PRKAR1B: variants seen among roughly 807,000 people sequenced by gnomAD.
PRKAR1B encodes the protein protein kinase cAMP-dependent type I regulatory subunit beta, also known as cAMP-dependent protein kinase type I-beta regulatory subunit.
A neutral mutation model predicts 46.5 loss-of-function variants in PRKAR1B; 22 were observed. The observed-to-expected ratio is 0.47, with a 90% CI of 0.34 to 0.68. The LOEUF is 0.68. PRKAR1B is among the 30% of genes least tolerant of loss of function. The pLI, the probability that PRKAR1B is intolerant of heterozygous loss-of-function variation, is 0.01. For synonymous variants in PRKAR1B, 259 were observed against 217.7 expected, an observed-to-expected ratio of 1.19 and a Z score of -1.67; for missense variants, 445 against 535.6, an observed-to-expected ratio of 0.83 and a Z score of 1.67.
intron 6 of PRKAR1B, among the ~76,000 whole-genome samples, chr7:599,302 CTTT>C (rs766317605): frequency 1.4e-5 from 2 of 138,790 alleles, no homozygotes; most frequent in Admixed American, 7.2e-5. Context: ...TGTTTTCTCT[CTTT>C]TTTTTTTTTG....
chr7:626,970 G>GT (rs969964842), intron 4 of PRKAR1B, among the ~76,000 whole-genome samples: 1 of 152,122 alleles, frequency 6.6e-6, no homozygotes, highest in Non-Finnish European at 1.5e-5. Context: ...CGCCTCCCGG[G>GT]TTCAAGCGAT....
intron 1 of PRKAR1B, among the ~76,000 whole-genome samples, chr7:716,287 G>T (rs1780882599): frequency 6.7e-6 from 1 of 148,944 alleles, no homozygotes; most frequent in African/African-American, 2.5e-5. Context: ...CGAATTCCTG[G>T]CCTCCAACAA....
chr7:707,491 GC>G (rs1214969735), intron 2 of PRKAR1B, among the ~76,000 whole-genome samples: 8 of 152,102 alleles, frequency 5.3e-5, no homozygotes, highest in African/African-American at 1.7e-4. Context: ...CCCTGCCCAC[GC>G]CCAAGAAGGC....
At chr7:628,300 G>A (rs546959485) in intron 4 of PRKAR1B, among the ~76,000 whole-genome samples, 2 of 152,376 alleles carry the variant, frequency 1.3e-5, no homozygotes, top group South Asian at 4.1e-4. Context: ...TCTGTGCCGA[G>A]CAAGTCAAAA....
At chr7:669,712 C>T (rs113465915) in intron 4 of PRKAR1B, among the ~76,000 whole-genome samples, 1,720 of 150,908 alleles carry the variant, frequency 0.011, 35 homozygotes, top group African/African-American at 0.039. Flanking sequence ...TGCAGTGAGC[C>T]GAGATAGCGC....
intron 4 of PRKAR1B, among the ~76,000 whole-genome samples, chr7:651,477 A>G (rs1784899098): frequency 6.6e-6 from 1 of 152,228 alleles, no homozygotes; most frequent in South Asian, 2.1e-4. Flanking sequence ...CGTGTCAACA[A>G]AACACTCCCA....
chr7:668,303 G>T (rs117376957), intron 4 of PRKAR1B, among the ~76,000 whole-genome samples: 2 of 152,340 alleles, frequency 1.3e-5, no homozygotes, highest in East Asian at 3.9e-4. Flanking sequence ...ATGAAGCTCA[G>T]CTTCTAGTAA....
At chr7:610,059 T>C (rs544934103) in intron 4 of PRKAR1B, among the ~76,000 whole-genome samples, 2 of 152,302 alleles carry the variant, frequency 1.3e-5, no homozygotes, top group South Asian at 4.1e-4. Flanking sequence ...GCATTCTCTA[T>C]ATGAAAACCC....
intron 4 of PRKAR1B, among the ~76,000 whole-genome samples, chr7:672,157 G>GT (rs796922729): frequency 0.023 from 3,416 of 146,128 alleles, 120 homozygotes; most frequent in African/African-American, 0.078. Flanking sequence ...AACCGAATTT[G>GT]TTTTTTTTTT....
At position 554,232 on chromosome 7, in the gene PRKAR1B, G is replaced by A. The variant is rs185187763; in HGVS notation, c.892-2762C>T. Among the ~76,000 whole-genome samples, 428 of 151,376 alleles carry A rather than the reference G, an allele frequency of 2.8e-3. 5 individuals carry two copies. Among genetic ancestry groups the A allele is most frequent in the African/African-American group, 0.01 (412 of 40,680 alleles). ...CTGCTTCCTGGTCTTCAAAGCTGTGGCCACTCTGAGAATTCGGTGCGAGAA... is the reference window on the plus strand; with the variant it reads ...CTGCTTCCTGGTCTTCAAAGCTGTGACCACTCTGAGAATTCGGTGCGAGAA... On this transcript the variant is annotated intron_variant, in intron 9 of 10. Transcript: ENST00000537384.
At chr7:606,767 CGT>C (rs71546453) in intron 5 of PRKAR1B, among the ~76,000 whole-genome samples, 14,152 of 148,270 alleles carry the variant, frequency 0.095, 803 homozygotes, top group Non-Finnish European at 0.13. Flanking sequence ...GAATTTTATG[CGT>C]GTGTGTGTGT....
chr7:650,559 C>T lies in PRKAR1B; in HGVS notation c.440+26670G>A, dbSNP rs192875048. Among the ~76,000 whole-genome samples, 626 of 152,362 alleles carry T rather than the reference C, an allele frequency of 4.1e-3. 1 individual carries two copies. The highest frequency in any genetic ancestry group is 0.02 in the South Asian group (95 of 4,830). On this transcript the variant is annotated intron_variant, in intron 4 of 10. Transcript: ENST00000537384. Reference sequence around the variant, plus strand: ...CTGCCTGCCTGGTGCACTTCTGGCACAGCCTCCCGCCCCTGCACACGTCCC... The same window carrying T: ...CTGCCTGCCTGGTGCACTTCTGGCATAGCCTCCCGCCCCTGCACACGTCCC...
chr7:661,427 C>T (rs1785555623), intron 4 of PRKAR1B, among the ~76,000 whole-genome samples: 2 of 97,946 alleles, frequency 2.0e-5, no homozygotes, highest in Non-Finnish European at 4.2e-5. Context: ...AGGTCCCCAC[C>T]CCAACGGGTC....
chr7:687,597 T>C (rs75959913), intron 2 of PRKAR1B, among the ~76,000 whole-genome samples: 16,784 of 152,180 alleles, frequency 0.11, 973 homozygotes, highest in South Asian at 0.21. Context: ...CTCCAGTTTA[T>C]GTGAATTCGA....
At chr7:583,759 C>A (rs918857470) in intron 8 of PRKAR1B, among the ~76,000 whole-genome samples, 1 of 151,600 alleles carries the variant, frequency 6.6e-6, no homozygotes, top group African/African-American at 2.4e-5. Context: ...CATGTGCACT[C>A]GCACCCATGC....
At chr7:614,544 A>T (rs965736556) in intron 4 of PRKAR1B, among the ~76,000 whole-genome samples, 2 of 152,090 alleles carry the variant, frequency 1.3e-5, no homozygotes, top group Admixed American at 6.5e-5. Flanking sequence ...AGGTGAAAGG[A>T]TCGCTGGGCC....
At chr7:700,372 T>G (rs1327379733) in intron 2 of PRKAR1B, among the ~76,000 whole-genome samples, 1 of 152,156 alleles carries the variant, frequency 6.6e-6, no homozygotes, top group African/African-American at 2.4e-5. Context: ...CAAACAAAAA[T>G]ATCAACATTC....
chr7:687,813 C>A (rs779267709), intron 2 of PRKAR1B, among the ~76,000 whole-genome samples: 3 of 152,124 alleles, frequency 2.0e-5, no homozygotes, highest in Admixed American at 2.0e-4. Context: ...AAGGCATTAC[C>A]GGCCGGGCAT....
chr7:707,646 G>T (rs539312487), intron 2 of PRKAR1B, among the ~76,000 whole-genome samples: 2 of 152,126 alleles, frequency 1.3e-5, no homozygotes, highest in Non-Finnish European at 1.5e-5. Context: ...AGGTCATTGG[G>T]GTGGCCTTGG....
Sources: gnomAD v4.1 joint callset for allele counts (sites outside exome capture counted in the v4.1 genomes callset) on GRCh38, gnomAD v4.1.1 for gene constraint, MANE v1.5 for transcripts, NCBI Gene and HGNC (gene_info 2026-07-23, HGNC 2026-07-21) for gene names.